The following LMLN variants were observed in gnomAD, a reference collection of about 807,000 sequenced individuals.
LMLN encodes the protein leishmanolysin-like peptidase.
A neutral mutation model predicts 92.3 loss-of-function variants in LMLN; 70 were observed. That is an observed-to-expected ratio of 0.76 (90% CI 0.63 to 0.92). LMLN has a LOEUF of 0.92. LMLN is among the 40% of genes least tolerant of loss of function. LMLN has a pLI of 0.00. For missense variants in LMLN, 691 were observed against 814.6 expected, an observed-to-expected ratio of 0.85 and a Z score of 1.85; for synonymous variants, 308 against 296.2, an observed-to-expected ratio of 1.04 and a Z score of -0.41.
At chr3:197,986,714 G>T (rs1264615651) in intron 8 of LMLN, among the ~76,000 whole-genome samples, 1 of 152,148 alleles carries the variant, frequency 6.6e-6, no homozygotes, top group African/African-American at 2.4e-5. Context: ...CTAAGGCATG[G>T]TTAGATGAAC....
chr3:197,972,304 TCCAC>T (rs1721252273), intron 1 of LMLN, among the ~76,000 whole-genome samples: 2 of 152,104 alleles, frequency 1.3e-5, no homozygotes, highest in African/African-American at 4.8e-5. Context: ...CCTCAAGTGA[TCCAC>T]CCACCTCAGC....
intron 11 of LMLN, among the ~76,000 whole-genome samples, chr3:198,005,885 G>C (rs1045199372): frequency 6.6e-6 from 1 of 152,106 alleles, no homozygotes; most frequent in African/African-American, 2.4e-5. Context: ...GGGAGGCCGA[G>C]GCGGGTGGGT....
chr3:197,960,281 G>C (rs983830957), exon 1 of LMLN: 13 of 1,613,582 alleles, frequency 8.1e-6, no homozygotes, highest in Non-Finnish European at 1.0e-5. Flanking sequence ...TGGGTTACTC[G>C]GGCTCAGGCC....
chr3:198,015,236 C>T (rs1470455557), intron 11 of LMLN, among the ~76,000 whole-genome samples: 1 of 134,778 alleles, frequency 7.4e-6, no homozygotes, highest in East Asian at 2.2e-4. Context: ...TCTGACTTCT[C>T]TCCACCCTTC....
At chr3:198,017,871 C>T (rs1296160195) in intron 11 of LMLN, among the ~76,000 whole-genome samples, 4 of 152,052 alleles carry the variant, frequency 2.6e-5, no homozygotes, top group Admixed American at 1.3e-4. Context: ...GAGCCGAGAT[C>T]GCACTACTGC....
intron 1 of LMLN, among the ~76,000 whole-genome samples, chr3:197,970,664 T>C (rs927808130): frequency 6.6e-6 from 1 of 152,230 alleles, no homozygotes; most frequent in African/African-American, 2.4e-5. Flanking sequence ...ATAAACCATA[T>C]TGTTTCTGCA....
exon 16 of LMLN, chr3:198,038,918 C>G (rs1482806459): frequency 2.9e-6 from 1 of 343,296 alleles, no homozygotes; most frequent in Non-Finnish European, 5.4e-6. Context: ...GCAACCCAAC[C>G]ACCTCGTCAG....
At chr3:197,967,411 G>A (rs113660071) in intron 1 of LMLN, among the ~76,000 whole-genome samples, 10,155 of 152,206 alleles carry the variant, frequency 0.067, 411 homozygotes, top group African/African-American at 0.11. Context: ...AAAAGCAGCA[G>A]GTTTTTATTA....
intron 8 of LMLN, among the ~76,000 whole-genome samples, chr3:197,989,914 A>C (rs1279113067): frequency 1.3e-5 from 2 of 152,204 alleles, no homozygotes; most frequent in African/African-American, 4.8e-5. Flanking sequence ...TCATTCTGTC[A>C]CCCAGGCTGG....
At chr3:198,011,581 C>T (rs552689417) in intron 11 of LMLN, among the ~76,000 whole-genome samples, 1 of 151,064 alleles carries the variant, frequency 6.6e-6, no homozygotes, top group East Asian at 1.9e-4. Context: ...CCGCAATAAA[C>T]ATACGTGTGC....
intron 4 of LMLN, 49 bp from the exon 5 acceptor site, chr3:197,976,549 A>C (rs778064574): frequency 6.4e-6 from 7 of 1,087,994 alleles, no homozygotes; most frequent in Non-Finnish European, 9.4e-6. Flanking sequence ...AACTGCTATA[A>C]AATATTCTCT....
intron 11 of LMLN, among the ~76,000 whole-genome samples, chr3:198,005,638 CTT>C (rs745643545): frequency 6.4e-5 from 9 of 140,534 alleles, no homozygotes; most frequent in Non-Finnish European, 1.2e-4. Flanking sequence ...TTTTCTTTTT[CTT>C]TTTTTTTTTT....
At position 198,019,457 on chromosome 3, in the gene LMLN, A is replaced by AAATT; in HGVS notation, c.1365+73_1365+76dup. ...TAGTCTCCATTTTAACTAAAAGAGT[A>AAATT]AATTCTCTTAAGATTCTTAATTTAT... is the stretch of plus-strand genomic sequence containing the variant. On this transcript the variant is annotated intron_variant, in intron 12 of 15. Coordinates refer to ENST00000330198, the Ensembl canonical transcript of LMLN. The surrounding 1 kb of genome is among the most constrained non-coding windows in gnomAD (Gnocchi z 5.5). 1 of 1,416,490 alleles carries AAATT rather than the reference A, an allele frequency of 7.1e-7. No homozygotes were observed. Among genetic ancestry groups the AAATT allele is most frequent in the African/African-American group, 1.4e-5 (1 of 69,702 alleles). 87.7% of individuals were successfully genotyped at this position (1,416,490 alleles called of 1,614,324 possible).
chr3:197,989,383 C>T (rs1337835718), intron 8 of LMLN, among the ~76,000 whole-genome samples: 1 of 152,092 alleles, frequency 6.6e-6, no homozygotes, highest in Non-Finnish European at 1.5e-5. Flanking sequence ...TTTACGCTGT[C>T]ATTTTTGCTT....
chr3:197,998,155 A>G (rs1722078075), intron 10 of LMLN, among the ~76,000 whole-genome samples: 1 of 152,222 alleles, frequency 6.6e-6, no homozygotes, highest in Non-Finnish European at 1.5e-5. Flanking sequence ...CAAGTACCAG[A>G]GCACAAGACC....
chr3:197,999,516 T>G (rs1722114746), intron 11 of LMLN, 174 bp downstream of exon 11: 1 of 597,260 alleles, frequency 1.7e-6, no homozygotes. Flanking sequence ...CATTCATTCG[T>G]TCATTCAATA....
At chr3:197,991,709 A>G (rs1560142159) in intron 9 of LMLN, among the ~76,000 whole-genome samples, 1 of 152,120 alleles carries the variant, frequency 6.6e-6, no homozygotes, top group Non-Finnish European at 1.5e-5. Flanking sequence ...ATATTTGGGT[A>G]CCATGGCTAT....
exon 16 of LMLN, chr3:198,041,055 T>C (rs1485336455): frequency 6.6e-6 from 1 of 152,296 alleles, no homozygotes; most frequent in Non-Finnish European, 1.5e-5. Context: ...CAGTACTCCA[T>C]TGAAGAAATT....
At position 197,967,887 on chromosome 3, in the gene LMLN, C is replaced by T. The variant is rs144986244; in HGVS notation, c.220-6490C>T. ...GGGAAAAGAATTTAGCGATATCTTC[C>T]CTACTTGCACATCCATTTATAGACT... On this transcript the variant is annotated intron_variant, in intron 1 of 15. Transcript: ENST00000330198. Among the ~76,000 whole-genome samples the T allele has an allele frequency of 7.9e-5, 12 of 152,260 alleles. No homozygotes were observed. In the East Asian group the frequency reaches 2.3e-3, roughly 29 times the overall value.
Sources: gnomAD v4.1 joint callset for allele counts (sites outside exome capture counted in the v4.1 genomes callset) on GRCh38, gnomAD v4.1.1 for gene constraint, Gnocchi (gnomAD v3.1) non-coding constraint, MANE v1.5 for transcripts, NCBI Gene and HGNC (gene_info 2026-07-23, HGNC 2026-07-21) for gene names.